CSMD1: variants seen among roughly 807,000 people sequenced by gnomAD.
CSMD1 encodes the protein CUB and sushi domain-containing protein 1.
CSMD1 carries 213 observed loss-of-function variants against 417.5 expected under a neutral mutation model. That is an observed-to-expected ratio of 0.51 (90% confidence interval 0.46 to 0.57). CSMD1 has a LOEUF of 0.57. Ranked by LOEUF, CSMD1 falls within the 20% of genes least tolerant of loss-of-function variation. CSMD1 has a pLI of 0.00. For synonymous variants in CSMD1, 2,862 were observed against 1,736.8 expected, an observed-to-expected ratio of 1.65 and a Z score of -16.11; for missense variants, 6,923 against 4,529.7, an observed-to-expected ratio of 1.53 and a Z score of -15.17.
intron 10 of CSMD1, among the ~76,000 whole-genome samples, chr8:3,553,136 G>A (rs202191211): frequency 3.3e-3 from 469 of 142,282 alleles, no homozygotes; most frequent in African/African-American, 0.011. Context: ...AAAAAAAAAA[G>A]AAAGGAAAGA....
intron 3 of CSMD1, among the ~76,000 whole-genome samples, chr8:4,231,579 T>C (rs1447345967): frequency 6.6e-6 from 1 of 152,204 alleles, no homozygotes; most frequent in African/African-American, 2.4e-5. Context: ...GTAACTATTA[T>C]TGTTATAAAT....
chr8:3,168,411 C>T (rs35182762), intron 37 of CSMD1, among the ~76,000 whole-genome samples: 11,838 of 152,076 alleles, frequency 0.078, 596 homozygotes, highest in Middle Eastern at 0.12. Flanking sequence ...AGGTGCTGCT[C>T]GTTATTTTTG....
intron 5 of CSMD1, among the ~76,000 whole-genome samples, chr8:3,895,686 A>G (rs189037411): frequency 1.9e-3 from 283 of 152,304 alleles, no homozygotes; most frequent in African/African-American, 6.7e-3. Flanking sequence ...TAATCCAAGT[A>G]TTTGTATTTA....
At chr8:4,431,449 CAGTCA>C (rs1439053054) in intron 2 of CSMD1, among the ~76,000 whole-genome samples, 2 of 152,030 alleles carry the variant, frequency 1.3e-5, no homozygotes, top group Non-Finnish European at 1.5e-5. Flanking sequence ...AGTGAGCACA[CAGTCA>C]GGAGAGGAGG....
chr8:3,394,049 TATATATAG>T lies in CSMD1; in HGVS notation c.2593+2137_2593+2144del, dbSNP rs1190817738. ...ATATATATATATATATATATATATA[TATATATAG>T]AAAAAAAGAAAAATGGCAAAGAGCT... is the stretch of plus-strand genomic sequence containing the variant. On this transcript the variant is annotated intron_variant, in intron 17 of 69. Transcript: ENST00000635120. Among the ~76,000 whole-genome samples, 181 of 122,204 alleles carry T rather than the reference TATATATAG, an allele frequency of 1.5e-3. 6 individuals are homozygous for T. The highest frequency in any genetic ancestry group is 2.6e-3 in the Admixed American group (31 of 12,124). The allele number at this position is 122,204 out of a possible 152,430, so 80.2% of individuals were successfully genotyped here.
At chr8:3,961,706 G>A (rs1383728709) in intron 5 of CSMD1, among the ~76,000 whole-genome samples, 5 of 152,186 alleles carry the variant, frequency 3.3e-5, no homozygotes, top group Non-Finnish European at 7.3e-5. Flanking sequence ...AAAGATTGCT[G>A]CGATACTCAT....
chr8:4,411,870 T>G (rs1406524339), intron 3 of CSMD1, among the ~76,000 whole-genome samples: 4 of 152,218 alleles, frequency 2.6e-5, no homozygotes, highest in Non-Finnish European at 4.4e-5. Flanking sequence ...GCATTTTTTT[T>G]CACTTTAATG....
intron 1 of CSMD1, among the ~76,000 whole-genome samples, chr8:4,687,709 G>C (rs958572797): frequency 1.3e-5 from 2 of 152,140 alleles, no homozygotes; most frequent in South Asian, 2.1e-4. Context: ...TAAACAGAAA[G>C]AGTCACCTCC....
intron 41 of CSMD1, among the ~76,000 whole-genome samples, chr8:3,137,030 C>G (rs966444937): frequency 1.3e-5 from 2 of 151,950 alleles, no homozygotes; most frequent in Non-Finnish European, 2.9e-5. Flanking sequence ...TACATATAAT[C>G]TAAGTGATCA....
At chr8:3,020,364 G>A (rs961132976) in intron 51 of CSMD1, among the ~76,000 whole-genome samples, 6 of 152,084 alleles carry the variant, frequency 3.9e-5, no homozygotes, top group Non-Finnish European at 7.4e-5. Flanking sequence ...ACTAAAACCA[G>A]CCCTTTTGTT....
intron 8 of CSMD1, among the ~76,000 whole-genome samples, chr8:3,604,710 G>C (rs1337611888): frequency 1.3e-5 from 2 of 152,178 alleles, no homozygotes; most frequent in Non-Finnish European, 2.9e-5. Flanking sequence ...ATTATTCTCT[G>C]CATCAGGAGA....
In CSMD1 at chr8:3,287,561, G is replaced by C. The variant is rs182304213; in HGVS notation, c.3951-3215C>G. Among the ~76,000 whole-genome samples, 800 of 152,194 alleles carry C rather than the reference G, an allele frequency of 5.3e-3. 5 individuals carry two copies. The highest frequency in any genetic ancestry group is 8.7e-3 in the Non-Finnish European group (593 of 68,006). ...TCCTAGGTATTTTATTCTCTTTGAAGCAATTGTGAATGGGAGTTCACTCAT... is the reference window on the plus strand; with the variant it reads ...TCCTAGGTATTTTATTCTCTTTGAACCAATTGTGAATGGGAGTTCACTCAT... On this transcript the variant is annotated intron_variant, in intron 25 of 69. Transcript: ENST00000635120.
chr8:3,770,409 A>G (rs1798504680), intron 5 of CSMD1, among the ~76,000 whole-genome samples: 1 of 152,096 alleles, frequency 6.6e-6, no homozygotes, highest in Admixed American at 6.6e-5. Flanking sequence ...CGTGCCTGTA[A>G]TTCCAGCTAC....
At chr8:3,250,907 G>A (rs1318212349) in intron 26 of CSMD1, among the ~76,000 whole-genome samples, 1 of 152,160 alleles carries the variant, frequency 6.6e-6, no homozygotes, top group African/African-American at 2.4e-5. Context: ...TGTTGATGGG[G>A]TTATTTGTTT....
intron 1 of CSMD1, among the ~76,000 whole-genome samples, chr8:4,861,256 C>A (rs995223961): frequency 2.0e-5 from 3 of 152,158 alleles, no homozygotes; most frequent in Non-Finnish European, 4.4e-5. Context: ...TGCGGCTATA[C>A]ATTCAGAAAG....
At chr8:4,179,904 C>T (rs1297882477) in intron 3 of CSMD1, among the ~76,000 whole-genome samples, 2 of 152,010 alleles carry the variant, frequency 1.3e-5, no homozygotes, top group Non-Finnish European at 1.5e-5. Flanking sequence ...GTTAGAATGG[C>T]GATCATTAAA....
chr8:4,519,477 C>T (rs930846368), intron 2 of CSMD1, among the ~76,000 whole-genome samples: 11 of 151,888 alleles, frequency 7.2e-5, no homozygotes, highest in Non-Finnish European at 1.3e-4. Context: ...TGGTGGCTCA[C>T]GCCTGTAACC....
At chr8:2,950,981 A>C (rs1585041359) in intron 66 of CSMD1, 133 bp downstream of exon 66, 1 of 778,452 alleles carries the variant, frequency 1.3e-6, no homozygotes. Flanking sequence ...GAGAGGCTCC[A>C]ATGAGTTACA....
At chr8:3,730,193 T>A (rs1410840095) in intron 6 of CSMD1, among the ~76,000 whole-genome samples, 1 of 151,996 alleles carries the variant, frequency 6.6e-6, no homozygotes, top group Non-Finnish European at 1.5e-5. Context: ...CTCCAACAGG[T>A]AGGCAGAGAA....
Sources: gnomAD v4.1 joint callset for allele counts (sites outside exome capture counted in the v4.1 genomes callset) on GRCh38, gnomAD v4.1.1 for gene constraint, MANE v1.5 for transcripts, NCBI Gene and HGNC (gene_info 2026-07-23, HGNC 2026-07-21) for gene names.